GMDS: variants seen among roughly 807,000 people sequenced by gnomAD.
The protein encoded by GMDS is GDP-mannose 4,6-dehydratase, also known as GDP-mannose 4,6 dehydratase.
GMDS carries 20 observed loss-of-function variants against 49.9 expected under a neutral mutation model. The ratio of observed to expected loss-of-function variants is 0.40; its 90% CI spans 0.28 to 0.58. The LOEUF is 0.58. Among genes scored for constraint, GMDS ranks in the 20% least tolerant of loss-of-function variants. GMDS has a pLI of 0.42. For missense variants in GMDS, 362 were observed against 481.4 expected (o/e 0.75, Z 2.32); for synonymous variants, 177 against 178.6 (o/e 0.99, Z 0.07).
At chr6:2,160,759 C>A (rs932603305) in intron 1 of GMDS, among the ~76,000 whole-genome samples, 37 of 152,104 alleles carry the variant, frequency 2.4e-4, no homozygotes, top group African/African-American at 8.5e-4. Flanking sequence ...AACTCCTGAG[C>A]CTAAGCTATC....
At chr6:2,241,822 A>T (rs1173458134) in intron 1 of GMDS, among the ~76,000 whole-genome samples, 1 of 152,208 alleles carries the variant, frequency 6.6e-6, no homozygotes, top group Non-Finnish European at 1.5e-5. Flanking sequence ...TAAATTACCC[A>T]GCCTCAGGTA....
At chr6:1,715,732 A>G (rs890330055) in intron 9 of GMDS, among the ~76,000 whole-genome samples, 5 of 152,258 alleles carry the variant, frequency 3.3e-5, no homozygotes, top group African/African-American at 1.2e-4. Flanking sequence ...GCTGGGAATA[A>G]AAGGTGTTGA....
chr6:2,124,887 C>T (rs942706371), intron 1 of GMDS, among the ~76,000 whole-genome samples, 156 bp from the exon 2 acceptor site: 5 of 152,120 alleles, frequency 3.3e-5, no homozygotes, highest in African/African-American at 1.2e-4. Flanking sequence ...CAATAAATAC[C>T]ACATGGTGTT....
At chr6:1,961,109 G>T (rs1267224568) in intron 4 of GMDS, 143 bp from the exon 5 acceptor site, 1 of 494,680 alleles carries the variant, frequency 2.0e-6, no homozygotes, top group Non-Finnish European at 3.6e-6. Context: ...TAAGAACGTG[G>T]ATGTCATCTA....
chr6:2,122,187 C>CA (rs1775174846), intron 2 of GMDS, among the ~76,000 whole-genome samples: 2 of 152,162 alleles, frequency 1.3e-5, no homozygotes. Context: ...TCATATGATT[C>CA]AATCAATCAC....
chr6:1,881,936 C>T lies in GMDS; in HGVS notation c.771+48167G>A, dbSNP rs565020284. ...CACAGACAGCAGTAAGATTCAAAGT[C>T]TCACAAGCTACAGTAAAACTCACAG... On this transcript the variant is annotated intron_variant, in intron 7 of 10. Transcript: ENST00000380815. Among the ~76,000 whole-genome samples the T allele has an allele frequency of 2.0e-5, 3 of 152,290 alleles. No homozygotes were observed. In the South Asian group the frequency reaches 6.2e-4, roughly 32 times the overall value.
chr6:1,885,930 C>G (rs1318922248), intron 7 of GMDS, among the ~76,000 whole-genome samples: 1 of 152,164 alleles, frequency 6.6e-6, no homozygotes, highest in African/African-American at 2.4e-5. Flanking sequence ...GAGTGGTTCC[C>G]AGACCGCTCT....
intron 6 of GMDS, among the ~76,000 whole-genome samples, chr6:1,940,917 G>A (rs1027068743): frequency 6.6e-5 from 10 of 152,076 alleles, no homozygotes; most frequent in South Asian, 2.1e-4. Context: ...GTTTAGGAGC[G>A]TCACTGGCCT....
At chr6:1,735,945 G>T (rs560934699) in intron 8 of GMDS, among the ~76,000 whole-genome samples, 1 of 152,304 alleles carries the variant, frequency 6.6e-6, no homozygotes, top group East Asian at 1.9e-4. Flanking sequence ...GAGGAAATTA[G>T]ATGAGCAAAT....
At chr6:1,867,053 A>G (rs1462697486) in intron 7 of GMDS, among the ~76,000 whole-genome samples, 1 of 152,246 alleles carries the variant, frequency 6.6e-6, no homozygotes, top group Non-Finnish European at 1.5e-5. Flanking sequence ...TTACATGGAT[A>G]TATTTAGCTA....
intron 7 of GMDS, among the ~76,000 whole-genome samples, chr6:1,748,852 A>T (rs976076516): frequency 1.2e-4 from 18 of 152,198 alleles, no homozygotes; most frequent in Non-Finnish European, 2.2e-4. Context: ...CTAGCTGCTA[A>T]TTTTTTTGAA....
chr6:2,122,457 C>G (rs1449680633), intron 2 of GMDS, among the ~76,000 whole-genome samples: 1 of 152,216 alleles, frequency 6.6e-6, no homozygotes, highest in East Asian at 1.9e-4. Flanking sequence ...ATACGTCCCT[C>G]TCTCATCCTA....
intron 4 of GMDS, among the ~76,000 whole-genome samples, chr6:2,019,768 A>C (rs1056433134): frequency 1.3e-5 from 2 of 152,002 alleles, no homozygotes; most frequent in African/African-American, 4.8e-5. Flanking sequence ...TTTTATTCCT[A>C]GTTTGGTGGC....
chr6:1,938,287 T>C (rs1021755320), intron 6 of GMDS, among the ~76,000 whole-genome samples: 5 of 152,202 alleles, frequency 3.3e-5, no homozygotes, highest in African/African-American at 1.2e-4. Flanking sequence ...GAAAATTCTG[T>C]GTGAATTCCT....
chr6:2,165,603 C>G (rs1378184716), intron 1 of GMDS, among the ~76,000 whole-genome samples: 1 of 152,196 alleles, frequency 6.6e-6, no homozygotes, highest in African/African-American at 2.4e-5. Flanking sequence ...AATGTCTGAC[C>G]AAATGTCAGT....
chr6:2,045,105 A>T (rs780576347), intron 4 of GMDS, among the ~76,000 whole-genome samples: 7 of 152,128 alleles, frequency 4.6e-5, no homozygotes, highest in African/African-American at 1.7e-4. Context: ...TAGCCTATTT[A>T]GATTTTCTTG....
At chr6:2,007,017 A>G (rs536806627) in intron 4 of GMDS, among the ~76,000 whole-genome samples, 1 of 152,376 alleles carries the variant, frequency 6.6e-6, no homozygotes, top group South Asian at 2.1e-4. Flanking sequence ...AAGTGACAAA[A>G]GATTAAAGAA....
chr6:1,959,827 C>G, intron 6 of GMDS, 40 bp downstream of exon 6: 2 of 1,193,232 alleles, frequency 1.7e-6, no homozygotes, highest in East Asian at 2.4e-5. Flanking sequence ...TGTTGTTGTT[C>G]AAGTCTGAAA....
At chr6:2,112,948 C>T (rs1774633755) in intron 4 of GMDS, among the ~76,000 whole-genome samples, 3 of 152,110 alleles carry the variant, frequency 2.0e-5, no homozygotes, top group Admixed American at 2.0e-4. Flanking sequence ...AGTCCTCTAC[C>T]CGTCTTTCTC....
Sources: gnomAD v4.1 joint callset for allele counts (sites outside exome capture counted in the v4.1 genomes callset) on GRCh38, gnomAD v4.1.1 for gene constraint, MANE v1.5 for transcripts, NCBI Gene and HGNC (gene_info 2026-07-23, HGNC 2026-07-21) for gene names.